TTLL5: variants seen among roughly 807,000 people sequenced by gnomAD.
The protein encoded by TTLL5 is tubulin polyglutamylase TTLL5.
In TTLL5, 132 loss-of-function variants were observed where a neutral mutation model predicts 168.4. That is an observed-to-expected ratio of 0.78 (90% CI 0.68 to 0.91). The LOEUF (loss-of-function observed/expected upper bound fraction) is 0.91, where lower values mean the gene tolerates loss of function less well. TTLL5 is among the 40% of genes least tolerant of loss of function. The pLI is 0.00. For synonymous variants in TTLL5, 546 were observed against 558.6 expected (o/e 0.98, Z 0.32); for missense variants, 1,545 against 1,581.5 (o/e 0.98, Z 0.39).
chr14:75,709,132 C>CA, intron 9 of TTLL5: 1 of 737,768 alleles, frequency 1.4e-6, no homozygotes, highest in Non-Finnish European at 2.5e-6. Flanking sequence ...TGTGAGTGGT[C>CA]ACGACAAGCT....
chr14:75,822,403 G>C (rs1328503670), intron 28 of TTLL5, among the ~76,000 whole-genome samples: 4 of 152,132 alleles, frequency 2.6e-5, no homozygotes, highest in African/African-American at 9.7e-5. Flanking sequence ...AAAGCACTTT[G>C]ATCTCCCTGG....
At chr14:75,746,108 T>C (rs1205540719) in intron 17 of TTLL5, among the ~76,000 whole-genome samples, 1 of 152,228 alleles carries the variant, frequency 6.6e-6, no homozygotes. Flanking sequence ...TCAGACATTA[T>C]GACCTGCCTT....
intron 28 of TTLL5, among the ~76,000 whole-genome samples, chr14:75,861,216 T>G (rs1371451123): frequency 1.3e-5 from 2 of 151,862 alleles, no homozygotes; most frequent in Non-Finnish European, 2.9e-5. Context: ...AGGAGATGAG[T>G]AAGGGATGTG....
In TTLL5 at chr14:75,704,183, T is replaced by C. The variant is rs147440458; in HGVS notation, c.586-2835T>C. ...AGCATAGACACTCTTAACCACTATATCATTCTCCTTTACAATGACTTAACA... is the reference window on the plus strand; with the variant it reads ...AGCATAGACACTCTTAACCACTATACCATTCTCCTTTACAATGACTTAACA... On this transcript the variant is annotated intron_variant, in intron 7 of 31. Coordinates refer to ENST00000298832, the MANE Select transcript of TTLL5 (RefSeq NM_015072.5). 6.6e-5 allele frequency among the ~76,000 whole-genome samples: 10 copies of C among 152,336 alleles called. No homozygotes were observed. The East Asian group carries it at 1.9e-3, about 29-fold the overall frequency.
chr14:75,863,926 A>AAAAAGAAAG lies in TTLL5; in HGVS notation c.3522+68_3522+69insGAAAGAAAA, dbSNP rs1555352365. 12 of 1,257,770 alleles carry AAAAAGAAAG rather than the reference A, an allele frequency of 9.5e-6. No individual in the cohort carries two copies. In the East Asian group the frequency reaches 1.3e-4, roughly 13 times the overall value. 77.9% of individuals were successfully genotyped at this position (1,257,770 alleles called of 1,614,324 possible). On this transcript the variant is annotated intron_variant, in intron 29 of 31. Coordinates refer to ENST00000298832, the MANE Select transcript of TTLL5 (RefSeq NM_015072.5). ...CTGCTGTTGGTAAAAAAAAAAAAAA[A>AAAAAGAAAG]AAAAAAAAGGTCAGTGAATGAGAAA...
At chr14:75,726,111 A>G (rs1888173176) in intron 12 of TTLL5, among the ~76,000 whole-genome samples, 1 of 152,232 alleles carries the variant, frequency 6.6e-6, no homozygotes, top group Admixed American at 6.5e-5. Flanking sequence ...GGGGAGAGTT[A>G]GTGGATTGAT....
At chr14:75,906,732 T>C (rs1384750350) in intron 31 of TTLL5, 6 of 983,320 alleles carry the variant, frequency 6.1e-6, no homozygotes, top group Non-Finnish European at 7.2e-6. Flanking sequence ...GACTTTATAC[T>C]ACAGCAAGAG....
In TTLL5 at chr14:75,933,759, T is replaced by C. The variant is rs117463727; in HGVS notation, c.3824-20665T>C. Among the ~76,000 whole-genome samples, 1,288 of 152,356 alleles carry C rather than the reference T, an allele frequency of 8.5e-3. 8 individuals are homozygous for C. Among genetic ancestry groups the C allele is most frequent in the Non-Finnish European group, 0.013 (884 of 68,036 alleles). ...CTCAGAATATGACTGTATGTAGAGATAGCTCTTTTAAAGAGGTGATAAAGT... is the reference window on the plus strand; with the variant it reads ...CTCAGAATATGACTGTATGTAGAGACAGCTCTTTTAAAGAGGTGATAAAGT... On this transcript the variant is annotated intron_variant, in intron 31 of 31. Coordinates refer to ENST00000298832, the MANE Select transcript of TTLL5 (RefSeq NM_015072.5).
intron 30 of TTLL5, among the ~76,000 whole-genome samples, chr14:75,884,318 C>G (rs933711661): frequency 2.6e-5 from 4 of 152,224 alleles, no homozygotes; most frequent in Non-Finnish European, 5.9e-5. Flanking sequence ...TGCCAGTACC[C>G]TCAGAAGGCC....
chr14:75,914,033 A>AAAAAAAAAAAAAAATATATAT, intron 31 of TTLL5, among the ~76,000 whole-genome samples: 6 of 71,092 alleles, frequency 8.4e-5, no homozygotes, highest in African/African-American at 4.6e-4. Context: ...AAAAAAAAAA[A>AAAAAAAAAAAAAAATATATAT]ATATATATAT....
At chr14:75,806,307 A>G (rs1196960302) in intron 27 of TTLL5, among the ~76,000 whole-genome samples, 1 of 152,170 alleles carries the variant, frequency 6.6e-6, no homozygotes, top group Non-Finnish European at 1.5e-5. Context: ...CTGGGAATTC[A>G]GGTGTGAGCC....
intron 28 of TTLL5, among the ~76,000 whole-genome samples, chr14:75,842,305 C>T (rs1219745370): frequency 6.6e-6 from 1 of 152,160 alleles, no homozygotes. Context: ...GTCGCTCTCC[C>T]ACTTTTACTG....
intron 31 of TTLL5, among the ~76,000 whole-genome samples, chr14:75,925,380 C>T (rs1194772544): frequency 8.4e-6 from 1 of 119,366 alleles, no homozygotes; most frequent in Admixed American, 8.3e-5. Context: ...GAGACGGGGT[C>T]GCGACCGGGC....
At chr14:75,886,755 A>T in intron 30 of TTLL5, 1 of 1,597,610 alleles carries the variant, frequency 6.3e-7, no homozygotes, top group African/African-American at 1.3e-5. Context: ...CCAAGCAGTC[A>T]GCTGAACTGA....
chr14:75,798,403 A>T lies in TTLL5; in HGVS notation c.3171+5303A>T, dbSNP rs570124469. Among the ~76,000 whole-genome samples the T allele has an allele frequency of 4.0e-5, 6 of 148,372 alleles. No homozygotes were observed. In the South Asian group the frequency reaches 1.1e-3, roughly 27 times the overall value. On this transcript the variant is annotated intron_variant, in intron 27 of 31. Coordinates refer to ENST00000298832, the MANE Select transcript of TTLL5 (RefSeq NM_015072.5). Reference sequence around the variant, plus strand: ...TGTTTATTTATTTTTTTTTCAAAGAACCAGATTTTTGTTTCATTTATCTTT... The same window carrying T: ...TGTTTATTTATTTTTTTTTCAAAGATCCAGATTTTTGTTTCATTTATCTTT...
chr14:75,726,853 G>C (rs1888216731), intron 12 of TTLL5, among the ~76,000 whole-genome samples: 1 of 152,132 alleles, frequency 6.6e-6, no homozygotes, highest in Admixed American at 6.5e-5. Flanking sequence ...GGAGCGATAG[G>C]ATTATTATTA....
rs1892570955 is a variant in TTLL5, at chr14:75,789,597, A to C, written c.2987-3319A>C. ...TTTTGCAGCCATCACCACCAATAAA[A>C]ATGTTTTTAAAAATATCACTAATAA... On this transcript the variant is annotated intron_variant, in intron 26 of 31. Coordinates refer to ENST00000298832, the MANE Select transcript of TTLL5 (RefSeq NM_015072.5). Among the ~76,000 whole-genome samples, 4 of 152,148 alleles carry C rather than the reference A, an allele frequency of 2.6e-5. No individual in the cohort carries two copies. The South Asian group carries it at 8.3e-4, about 32-fold the overall frequency.
chr14:75,894,240 G>A (rs1011754740), intron 30 of TTLL5, among the ~76,000 whole-genome samples: 1 of 152,122 alleles, frequency 6.6e-6, no homozygotes, highest in Non-Finnish European at 1.5e-5. Flanking sequence ...TATTAATTCA[G>A]TGGAAGATAG....
chr14:75,900,473 T>C lies in TTLL5; in HGVS notation c.3741-1669T>C, dbSNP rs74554529. On this transcript the variant is annotated intron_variant, in intron 30 of 31. Transcript: ENST00000298832. Reference sequence around the variant, plus strand: ...GGTGCACCTCATACCACTTTGCTCTTTACCTACTAGCCAATGATGATATGA... The same window carrying C: ...GGTGCACCTCATACCACTTTGCTCTCTACCTACTAGCCAATGATGATATGA... 8.4e-3 allele frequency among the ~76,000 whole-genome samples: 1,284 copies of C among 152,224 alleles called. 10 individuals carry two copies. Among genetic ancestry groups the C allele is most frequent in the Non-Finnish European group, 0.014 (958 of 67,998 alleles).
Sources: allele counts gnomAD v4.1 joint callset (sites outside exome capture counted in the v4.1 genomes callset), GRCh38; gene constraint gnomAD v4.1.1; transcripts MANE v1.5; gene names NCBI Gene and HGNC (gene_info 2026-07-23, HGNC 2026-07-21).